DPP6: variants seen among roughly 807,000 people sequenced by gnomAD.
DPP6 encodes A-type potassium channel modulatory protein DPP6.
In DPP6, 69 loss-of-function variants were observed where a neutral mutation model predicts 122.6. The observed-to-expected ratio is 0.56, with a 90% CI of 0.46 to 0.69. DPP6 has a LOEUF of 0.69. DPP6 is among the 30% of genes least tolerant of loss of function. DPP6 has a pLI of 0.00. For synonymous variants in DPP6, 418 were observed against 433.1 expected, an observed-to-expected ratio of 0.97 and a Z score of 0.43; for missense variants, 928 against 1,116.9, an observed-to-expected ratio of 0.83 and a Z score of 2.41.
At chr7:154,638,581 T>C (rs1025942422) in intron 6 of DPP6, among the ~76,000 whole-genome samples, 14 of 152,258 alleles carry the variant, frequency 9.2e-5, no homozygotes, top group African/African-American at 3.1e-4. Context: ...CAATAATGTA[T>C]TGTCCAGAGC....
intron 1 of DPP6, among the ~76,000 whole-genome samples, chr7:154,339,752 C>T (rs147298957): frequency 6.6e-6 from 1 of 152,066 alleles, no homozygotes; most frequent in Non-Finnish European, 1.5e-5. Flanking sequence ...GCACTTGTTA[C>T]AAGTGCTCTG....
At chr7:154,232,411 G>A (rs889914572) in intron 1 of DPP6, among the ~76,000 whole-genome samples, 6 of 152,174 alleles carry the variant, frequency 3.9e-5, no homozygotes, top group African/African-American at 1.4e-4. Context: ...TCACCAGGGA[G>A]GGCTTTGGTG....
chr7:154,413,149 A>G (rs1395387370), intron 1 of DPP6, among the ~76,000 whole-genome samples: 1 of 152,194 alleles, frequency 6.6e-6, no homozygotes, highest in Non-Finnish European at 1.5e-5. Flanking sequence ...GGTCCTCGGT[A>G]TAGATTCAAG....
At chr7:153,773,182 T>C in the DPP6 span, among the ~76,000 whole-genome samples, 4 of 146,842 alleles carry the variant, frequency 2.7e-5, no homozygotes, top group African/African-American at 9.9e-5. Context: ...AACCAAAAAT[T>C]TAAAAAACCC....
In DPP6 at chr7:154,009,383, A is replaced by C. The variant is rs550912253; in HGVS notation, c.51+121649A>C. Among the ~76,000 whole-genome samples, 692 of 123,714 alleles carry C rather than the reference A, an allele frequency of 5.6e-3. 8 individuals carry two copies. The highest frequency in any genetic ancestry group is 0.026 in the South Asian group (80 of 3,060). The allele number at this position is 123,714 out of a possible 152,430, so 81.2% of individuals were successfully genotyped here. On this transcript the variant is annotated intron_variant, in intron 1 of 25. Coordinates refer to the DPP6 transcript ENST00000404039. ...CTTGTAAGGCAAACAGGGTTTAGCCAGCGCTCACCTTGACCTGGTGACCTT... is the reference window on the plus strand; with the variant it reads ...CTTGTAAGGCAAACAGGGTTTAGCCCGCGCTCACCTTGACCTGGTGACCTT...
chr7:154,781,338 A>G (rs1226018786), intron 10 of DPP6, among the ~76,000 whole-genome samples: 1 of 152,152 alleles, frequency 6.6e-6, no homozygotes, highest in African/African-American at 2.4e-5. Flanking sequence ...TTGTTGAAAA[A>G]GGATGCCGCA....
At chr7:154,670,889 A>G (rs1344491801) in intron 7 of DPP6, among the ~76,000 whole-genome samples, 2 of 152,240 alleles carry the variant, frequency 1.3e-5, no homozygotes, top group Non-Finnish European at 2.9e-5. Flanking sequence ...GAAACTATTA[A>G]TATTTTAGCT....
At chr7:154,131,152 G>A (rs1425343420) in intron 1 of DPP6, among the ~76,000 whole-genome samples, 3 of 152,112 alleles carry the variant, frequency 2.0e-5, no homozygotes, top group African/African-American at 7.2e-5. Context: ...GCATTAAGTA[G>A]GGGAAAGATG....
intron 1 of DPP6, among the ~76,000 whole-genome samples, chr7:153,970,890 A>G (rs1795985953): frequency 6.6e-6 from 1 of 152,194 alleles, no homozygotes; most frequent in African/African-American, 2.4e-5. Flanking sequence ...GATTACTGTA[A>G]CTTTTAAAAA....
At chr7:154,194,758 C>T (rs1798782865) in intron 1 of DPP6, among the ~76,000 whole-genome samples, 1 of 152,316 alleles carries the variant, frequency 6.6e-6, no homozygotes, top group South Asian at 2.1e-4. Context: ...TGGACTTATT[C>T]GTCTCTCCTC....
intron 3 of DPP6, among the ~76,000 whole-genome samples, chr7:154,531,209 A>C (rs1318056345): frequency 2.0e-5 from 3 of 152,160 alleles, no homozygotes; most frequent in Admixed American, 6.6e-5. Context: ...GAAAAAAGAG[A>C]CCAAAAGAAT....
At chr7:154,119,320 G>A (rs1362073335) in intron 1 of DPP6, among the ~76,000 whole-genome samples, 1 of 152,186 alleles carries the variant, frequency 6.6e-6, no homozygotes, top group Non-Finnish European at 1.5e-5. Flanking sequence ...ATGAGTTCTG[G>A]TAGAAAGAAA....
chr7:153,936,892 G>A (rs1475251988), intron 1 of DPP6, among the ~76,000 whole-genome samples: 1 of 152,164 alleles, frequency 6.6e-6, no homozygotes, highest in Non-Finnish European at 1.5e-5. Flanking sequence ...CGCTTCTGTC[G>A]TTTATGCCAA....
the DPP6 span, among the ~76,000 whole-genome samples, chr7:153,783,670 A>G: frequency 1.3e-5 from 2 of 152,258 alleles, no homozygotes; most frequent in Admixed American, 6.5e-5. Flanking sequence ...TAAAATGACA[A>G]TAAAAACTTA....
At chr7:154,109,831 T>C (rs1205542561) in intron 1 of DPP6, among the ~76,000 whole-genome samples, 1 of 138,958 alleles carries the variant, frequency 7.2e-6, no homozygotes, top group African/African-American at 2.8e-5. Flanking sequence ...GTTATGATTG[T>C]AGAACAAGGA....
chr7:154,641,645 T>C (rs1025454363), intron 6 of DPP6, among the ~76,000 whole-genome samples: 2 of 150,586 alleles, frequency 1.3e-5, no homozygotes, highest in African/African-American at 5.0e-5. Context: ...TACACACACA[T>C]ATACATAATA....
Position 153,933,216 on chromosome 7 carries a change from G to T in DPP6, c.51+45482G>T, listed in dbSNP as rs1321503722. Among the ~76,000 whole-genome samples the T allele has an allele frequency of 2.0e-5, 3 of 152,056 alleles. No homozygotes were observed. In the South Asian group the frequency reaches 6.2e-4, roughly 31 times the overall value. On this transcript the variant is annotated intron_variant, in intron 1 of 25. Transcript: ENST00000404039. ...TCTAAGTTTCCTCAACGGTAAACAA[G>T]ATTTTTTTTTTGACCAATGATCTCT...
At chr7:154,869,029 A>C (rs972950470) in intron 18 of DPP6, among the ~76,000 whole-genome samples, 1 of 152,154 alleles carries the variant, frequency 6.6e-6, no homozygotes, top group South Asian at 2.1e-4. Context: ...GCAAACTCCG[A>C]CTGACTGATA....
intron 1 of DPP6, among the ~76,000 whole-genome samples, chr7:154,350,695 C>G (rs893305627): frequency 6.6e-6 from 1 of 152,184 alleles, no homozygotes; most frequent in African/African-American, 2.4e-5. Flanking sequence ...TCAGGTTCAA[C>G]TGCCCGTTGC....
Sources: gnomAD v4.1 joint callset for allele counts (sites outside exome capture counted in the v4.1 genomes callset) on GRCh38, gnomAD v4.1.1 for gene constraint, MANE v1.5 for transcripts, NCBI Gene and HGNC (gene_info 2026-07-23, HGNC 2026-07-21) for gene names.